LPIN2: variants seen among roughly 807,000 people sequenced by gnomAD.
The protein encoded by LPIN2 is phosphatidate phosphatase LPIN2.
In LPIN2, 55 loss-of-function variants were observed where a neutral mutation model predicts 111.4. That is an observed-to-expected ratio of 0.49 (90% CI 0.40 to 0.62). The LOEUF (loss-of-function observed/expected upper bound fraction) is 0.62. Ranked by LOEUF, LPIN2 falls within the 20% of genes least tolerant of loss-of-function variation. LPIN2 has a pLI of 0.00. For missense variants in LPIN2, 992 were observed against 1,112.1 expected (o/e 0.89, Z 1.54); for synonymous variants, 425 against 414.0 (o/e 1.03, Z -0.32).
intron 1 of LPIN2, among the ~76,000 whole-genome samples, chr18:2,968,565 C>T (rs964233919): frequency 4.8e-5 from 6 of 125,770 alleles, no homozygotes; most frequent in Non-Finnish European, 1.1e-4. Context: ...GACTAGAGAA[C>T]AAAAAGAGAA....
chr18:2,995,806 T>G (rs139428128), intron 1 of LPIN2, among the ~76,000 whole-genome samples: 4 of 152,342 alleles, frequency 2.6e-5, no homozygotes, highest in African/African-American at 7.2e-5. Flanking sequence ...TGTGAGACTC[T>G]GAAAGCAATT....
At chr18:2,957,609 G>A (rs1422506476) in intron 2 of LPIN2, among the ~76,000 whole-genome samples, 2 of 152,092 alleles carry the variant, frequency 1.3e-5, no homozygotes, top group African/African-American at 4.8e-5. Context: ...CCTTTGACAG[G>A]GAGACTAAAT....
At position 2,931,256 on chromosome 18, in the gene LPIN2, C is replaced by G; in HGVS notation, c.1456G>C (p.Glu486Gln). The G allele has an allele frequency of 1.2e-6, 2 of 1,614,040 alleles. No individual in the cohort carries two copies. The highest frequency in any genetic ancestry group is 1.7e-6 in the Non-Finnish European group (2 of 1,180,006). The change falls in exon 9 of 20, where the codon GAA becomes CAA. Residue 486 changes from glutamate (E) to glutamine (Q), a missense_variant and splice_region_variant. Glu to Gln is a conservative substitution (Grantham distance 29, BLOSUM62 2). This residue lies in a region of LPIN2 where 709 missense variants were observed against 753.2 expected (regional missense o/e 0.94). Coordinates refer to ENST00000677752, the MANE Select transcript of LPIN2 (RefSeq NM_001375808.2). ...GATGGGGCACAAACACCCAACGTACCTTTTGAAATTTCTCCATTTTCACTG... is the reference window on the plus strand; with the variant it reads ...GATGGGGCACAAACACCCAACGTACGTTTTGAAATTTCTCCATTTTCACTG... ...GLSENGEISK[E>Q]KFMEHIITYH...
chr18:2,964,282 CAAAAAAA>C (rs56276815), intron 1 of LPIN2, among the ~76,000 whole-genome samples: 2 of 56,868 alleles, frequency 3.5e-5, no homozygotes, highest in African/African-American at 7.4e-5. Flanking sequence ...GACTCCGTCT[CAAAAAAA>C]AAAAAAAAAA....
chr18:2,953,525 C>CTGCTTT, intron 3 of LPIN2, among the ~76,000 whole-genome samples: 1 of 152,190 alleles, frequency 6.6e-6, no homozygotes, highest in African/African-American at 2.4e-5. Flanking sequence ...CTTCATAAAT[C>CTGCTTT]ATAGTGTTTC....
chr18:2,991,984 G>C (rs2078272570), intron 1 of LPIN2, among the ~76,000 whole-genome samples: 1 of 149,618 alleles, frequency 6.7e-6, no homozygotes, highest in Admixed American at 6.7e-5. Context: ...CTCTAGCCTG[G>C]GCGACAGAGT....
chr18:2,927,873 A>G (rs1334219787), intron 11 of LPIN2, 62 bp from the exon 12 acceptor site: 2 of 1,358,170 alleles, frequency 1.5e-6, no homozygotes, highest in East Asian at 4.6e-5. Context: ...CCTACCTTCT[A>G]TGCTAGCCTG....
intron 1 of LPIN2, among the ~76,000 whole-genome samples, chr18:2,994,788 G>A (rs935274817): frequency 6.6e-6 from 1 of 152,142 alleles, no homozygotes; most frequent in African/African-American, 2.4e-5. Context: ...ATTTCTGAAT[G>A]TCCCCGGCGG....
chr18:2,939,655 T>A, intron 5 of LPIN2, 52 bp from the exon 6 acceptor site: 2 of 1,601,896 alleles, frequency 1.2e-6, no homozygotes, highest in Non-Finnish European at 1.7e-6. Context: ...AAACCTTCAG[T>A]CTTGCTGAGC....
intron 5 of LPIN2, among the ~76,000 whole-genome samples, chr18:2,939,880 A>C (rs2077344791): frequency 6.6e-6 from 1 of 152,240 alleles, no homozygotes; most frequent in African/African-American, 2.4e-5. Flanking sequence ...GAAATCAATG[A>C]GAAAGAAGAT....
intron 4 of LPIN2, chr18:2,945,886 T>C (rs865961251): frequency 2.1e-6 from 3 of 1,440,500 alleles, no homozygotes; most frequent in South Asian, 1.1e-5. Flanking sequence ...GCATCTTTTT[T>C]AGTCCACATG....
rs1440829594 is a variant in LPIN2, at chr18:2,962,909, A to G, written c.-9-2060T>C. Among the ~76,000 whole-genome samples the G allele has an allele frequency of 2.0e-5, 3 of 152,244 alleles. No homozygotes were observed. In the East Asian group the frequency reaches 5.8e-4, roughly 29 times the overall value. On this transcript the variant is annotated intron_variant, in intron 1 of 19. Transcript: ENST00000677752. ...ACATTCAGCCACAAACAAGTCTTAT[A>G]AACATAAATGTGTAACAAGCTTCCA...
chr18:2,985,851 C>T (rs933330585), intron 1 of LPIN2, among the ~76,000 whole-genome samples: 8 of 152,184 alleles, frequency 5.3e-5, no homozygotes, highest in South Asian at 2.1e-4. Context: ...CAACACCTTG[C>T]TCCTGGATTA....
chr18:2,928,441 G>A (rs894994574), intron 11 of LPIN2, 150 bp downstream of exon 11: 9 of 775,536 alleles, frequency 1.2e-5, no homozygotes, highest in Admixed American at 1.0e-4. Flanking sequence ...TTTTTAGTGG[G>A]TACATATGAC....
In LPIN2 at chr18:2,951,074, T is replaced by C; in HGVS notation, c.571A>G (p.Lys191Glu). ...CDVGVSSDDD[K>E]GAQAARGSSN... Reference sequence around the variant, plus strand: ...TCCTACCGTGCTGCCTGGGCCCCCTTGTCATCATCGGAGCTCACGCCTACA... The same window carrying C: ...TCCTACCGTGCTGCCTGGGCCCCCTCGTCATCATCGGAGCTCACGCCTACA... Residue 191 changes from lysine (K) to glutamate (E), a missense_variant, in exon 4 of 20, where the codon AAG (lysine) becomes GAG (glutamate). Lys to Glu is a moderately conservative substitution (Grantham distance 56, BLOSUM62 1). Coordinates refer to ENST00000677752, the MANE Select transcript of LPIN2 (RefSeq NM_001375808.2). 1.2e-6 allele frequency: 2 copies of C among 1,614,176 alleles called. No homozygotes were observed. Among genetic ancestry groups the C allele is most frequent in the Non-Finnish European group, 1.7e-6 (2 of 1,180,026 alleles).
chr18:2,974,868 T>C (rs2077984505), intron 1 of LPIN2, among the ~76,000 whole-genome samples: 1 of 152,124 alleles, frequency 6.6e-6, no homozygotes, highest in African/African-American at 2.4e-5. Context: ...TGGTGGCGCA[T>C]GCCTGTAGTC....
chr18:2,981,897 C>T (rs1555605553), intron 1 of LPIN2, among the ~76,000 whole-genome samples: 1 of 152,166 alleles, frequency 6.6e-6, no homozygotes, highest in Non-Finnish European at 1.5e-5. Flanking sequence ...TGATTTTATG[C>T]TTGTTTTCAT....
intron 4 of LPIN2, among the ~76,000 whole-genome samples, chr18:2,944,629 C>T (rs2077421277): frequency 6.6e-6 from 1 of 152,122 alleles, no homozygotes; most frequent in Non-Finnish European, 1.5e-5. Flanking sequence ...GGATTACAGG[C>T]ATGAGCCACC....
chr18:2,940,654 A>T lies in LPIN2; in HGVS notation c.649T>A (p.Ser217Thr), dbSNP rs747722528. 2 of 1,613,586 alleles carry T rather than the reference A, an allele frequency of 1.2e-6. No homozygotes were observed. Among genetic ancestry groups the T allele is most frequent in the South Asian group, 2.2e-5 (2 of 91,066 alleles). ...TCAGATAAGGGGTAATGATCCCCAG[A>T]ATGGAAGAGCAAAGGCTCTTTACAT... ...EECKEPLLFH[S>T]GDHYPLSDGD... Residue 217 changes from serine (S) to threonine (T), a missense_variant, in exon 5 of 20, where the codon TCT (serine) becomes ACT (threonine). By Grantham distance (58) the Ser-to-Thr change is moderately conservative (BLOSUM62 1). Transcript: ENST00000677752.
Sources: allele counts gnomAD v4.1 joint callset (sites outside exome capture counted in the v4.1 genomes callset), GRCh38; gene constraint gnomAD v4.1.1; regional missense constraint gnomAD v4.1.1; transcripts MANE v1.5; gene names NCBI Gene and HGNC (gene_info 2026-07-23, HGNC 2026-07-21).